Variants in CRTC3 observed in about 807,000 individuals in gnomAD.
CRTC3 encodes the protein CREB-regulated transcription coactivator 3.
CRTC3 carries 26 observed loss-of-function variants against 74.5 expected under a neutral mutation model. That is an observed-to-expected ratio of 0.35 (90% CI 0.26 to 0.48). CRTC3 has a LOEUF of 0.48. Among genes scored for constraint, CRTC3 ranks in the 20% least tolerant of loss-of-function variants. The probability of loss-of-function intolerance (pLI) is 0.99; values close to 1 mark genes in which losing one functional copy is unlikely to be tolerated. For missense variants in CRTC3, 760 were observed against 787.3 expected, an observed-to-expected ratio of 0.97 and a Z score of 0.41; for synonymous variants, 377 against 325.8, an observed-to-expected ratio of 1.16 and a Z score of -1.69.
chr15:90,555,512 CT>C (rs1466502603), intron 2 of CRTC3, among the ~76,000 whole-genome samples: 2 of 151,838 alleles, frequency 1.3e-5, no homozygotes, highest in African/African-American at 4.8e-5. Context: ...TTTCTTTTTT[CT>C]TTTTCTTTTA....
chr15:90,582,836 G>A (rs1417902636), intron 2 of CRTC3, among the ~76,000 whole-genome samples: 1 of 152,096 alleles, frequency 6.6e-6, no homozygotes, highest in Non-Finnish European at 1.5e-5. Flanking sequence ...GAAGATGCTG[G>A]GGGAGGTCTC....
chr15:90,532,061 C>A (rs1966636016), intron 1 of CRTC3, among the ~76,000 whole-genome samples: 1 of 152,124 alleles, frequency 6.6e-6, no homozygotes, highest in Non-Finnish European at 1.5e-5. Context: ...AATTCAGTCA[C>A]CACTTTATTC....
intron 2 of CRTC3, among the ~76,000 whole-genome samples, chr15:90,543,452 C>G (rs539952382): frequency 6.6e-6 from 1 of 151,774 alleles, no homozygotes; most frequent in Admixed American, 6.6e-5. Context: ...TTTTATCTCT[C>G]GGTATATGGT....
At chr15:90,638,123 T>A (rs1969305395) in intron 11 of CRTC3, 2 of 302,346 alleles carry the variant, frequency 6.6e-6, no homozygotes, top group African/African-American at 4.5e-5. Context: ...AATTTTCCAC[T>A]TTTAACCAGA....
At chr15:90,583,002 TTTC>T (rs1023102264) in intron 2 of CRTC3, among the ~76,000 whole-genome samples, 7 of 152,262 alleles carry the variant, frequency 4.6e-5, no homozygotes, top group Non-Finnish European at 8.8e-5. Flanking sequence ...ATTGTCGTTA[TTTC>T]TTCTTCTTTT....
intron 2 of CRTC3, among the ~76,000 whole-genome samples, chr15:90,551,958 A>T (rs933757780): frequency 4.8e-5 from 1 of 21,010 alleles, no homozygotes; most frequent in African/African-American, 2.1e-4. Flanking sequence ...ACACACACAC[A>T]CACACACACA....
chr15:90,607,977 G>C (rs1405722136), intron 6 of CRTC3, among the ~76,000 whole-genome samples: 1 of 152,162 alleles, frequency 6.6e-6, no homozygotes, highest in African/African-American at 2.4e-5. Context: ...GCATGAGGCT[G>C]ACTCCCCCTG....
chr15:90,587,560 C>T (rs1967694303), intron 2 of CRTC3, among the ~76,000 whole-genome samples: 1 of 152,118 alleles, frequency 6.6e-6, no homozygotes, highest in Non-Finnish European at 1.5e-5. Flanking sequence ...GCCTAAGGCC[C>T]TCCTTAAAAC....
At chr15:90,576,222 A>AATG (rs1428352280) in intron 2 of CRTC3, among the ~76,000 whole-genome samples, 1 of 152,146 alleles carries the variant, frequency 6.6e-6, no homozygotes, top group East Asian at 1.9e-4. Context: ...TAGGCAACAC[A>AATG]ATGAGACTCC....
At chr15:90,582,193 T>A (rs1967557591) in intron 2 of CRTC3, among the ~76,000 whole-genome samples, 3 of 152,360 alleles carry the variant, frequency 2.0e-5, no homozygotes, top group South Asian at 4.1e-4. Context: ...CTAGTCATTG[T>A]CTTATTAGCA....
At chr15:90,545,543 G>T (rs940451878) in intron 2 of CRTC3, among the ~76,000 whole-genome samples, 5 of 151,126 alleles carry the variant, frequency 3.3e-5, no homozygotes, top group Non-Finnish European at 7.4e-5. Context: ...GGGTTTACAG[G>T]CGCGCCCCAC....
chr15:90,604,472 A>G, intron 5 of CRTC3, 25 bp downstream of exon 5: 1 of 1,572,282 alleles, frequency 6.4e-7, no homozygotes, highest in Non-Finnish European at 8.8e-7. Flanking sequence ...TCCTGGTAGG[A>G]GTAGATTTTA....
At position 90,530,884 on chromosome 15, in the gene CRTC3, A is replaced by G. The variant is rs1438844453; in HGVS notation, c.132+681A>G. ...GACCTGGAGGAATGAGTAAGGCGCG[A>G]GCCGGGACAAACACCTGGAGAGGTT... On this transcript the variant is annotated intron_variant, in intron 1 of 14. Transcript: ENST00000268184. The surrounding 1 kb of genome is among the most constrained non-coding windows in gnomAD (Gnocchi z 6.2). The G allele has an allele frequency of 6.5e-6, 1 of 152,752 alleles. No homozygotes were observed. The highest frequency in any genetic ancestry group is 1.5e-5 in the Non-Finnish European group (1 of 68,438). The allele number at this position is 152,752 out of a possible 1,614,324, so 9.5% of individuals were successfully genotyped here. A position where few individuals can be genotyped will look rare whatever the true frequency, so the allele number is the denominator to read the frequency against.
rs1479219668 is a variant in CRTC3, at chr15:90,642,099, G to A, written c.1819G>A (p.Asp607Asn). Residue 607 changes from aspartate to asparagine, a missense_variant, in exon 15 of 15, where the codon GAC (aspartate) becomes AAC (asparagine). Physicochemically the swap from Asp to Asn is conservative, Grantham distance 23 (BLOSUM62 1). Around this residue, in one of 2 missense-constraint regions of CRTC3, gnomAD observed 652 missense variants for 635.2 expected, o/e 1.03. Coordinates refer to ENST00000268184, the MANE Select transcript of CRTC3 (RefSeq NM_022769.5). ...AAGTGACTCCAGCATGGGCCTGCTG[G>A]ACCCCTCTGTTGAAGAGACGTTTCG... ...MLSDSSMGLLDPSVEETFRAD... is the reference protein window; with the variant it reads ...MLSDSSMGLLNPSVEETFRAD... 2 of 1,613,944 alleles carry A rather than the reference G, an allele frequency of 1.2e-6. No individual in the cohort carries two copies. Among genetic ancestry groups the A allele is most frequent in the Non-Finnish European group, 1.7e-6 (2 of 1,180,054 alleles).
At chr15:90,541,697 G>A (rs1966803907) in intron 2 of CRTC3, among the ~76,000 whole-genome samples, 1 of 151,866 alleles carries the variant, frequency 6.6e-6, no homozygotes, top group South Asian at 2.1e-4. Context: ...GTCAACTTTA[G>A]AGGAATATAG....
intron 3 of CRTC3, among the ~76,000 whole-genome samples, chr15:90,600,874 T>C (rs923493749): frequency 6.6e-6 from 1 of 152,256 alleles, no homozygotes. Flanking sequence ...ATGGGCTTGG[T>C]TTGGGTGAGT....
intron 2 of CRTC3, among the ~76,000 whole-genome samples, chr15:90,558,614 C>T (rs967678689): frequency 6.6e-6 from 1 of 152,072 alleles, no homozygotes; most frequent in Non-Finnish European, 1.5e-5. Context: ...CCTCACTTCC[C>T]TCAGCTCCTC....
Position 90,601,488 on chromosome 15 carries a change from T to TAA in CRTC3, c.352-829_352-828dup, listed in dbSNP as rs71463746. On this transcript the variant is annotated intron_variant, in intron 3 of 14. Coordinates refer to ENST00000268184, the MANE Select transcript of CRTC3 (RefSeq NM_022769.5). ...AACGTGGAGAAACCCTGTCTCTAAT[T>TAA]AAAAAAAATACAAAATTAGCCGGGT... is the stretch of plus-strand genomic sequence containing the variant. Among the ~76,000 whole-genome samples, 8 of 151,376 alleles carry TAA rather than the reference T, an allele frequency of 5.3e-5. No homozygotes were observed. The South Asian group carries it at 1.3e-3, about 24-fold the overall frequency.
intron 11 of CRTC3, among the ~76,000 whole-genome samples, chr15:90,636,114 AAAG>A (rs1969225566): frequency 6.6e-6 from 1 of 152,124 alleles, no homozygotes; most frequent in South Asian, 2.1e-4. Context: ...TCCTAAGCCA[AAAG>A]AACAAAGCTG....
Sources: gnomAD v4.1 joint callset for allele counts (sites outside exome capture counted in the v4.1 genomes callset) on GRCh38, gnomAD v4.1.1 for gene constraint, gnomAD v4.1.1 regional missense constraint, Gnocchi (gnomAD v3.1) non-coding constraint, MANE v1.5 for transcripts, NCBI Gene and HGNC (gene_info 2026-07-23, HGNC 2026-07-21) for gene names.